The following RBFOX1 variants were observed in gnomAD, a reference collection of about 807,000 sequenced individuals.
RBFOX1 encodes the protein RNA binding protein fox-1 homolog 1.
Under a neutral mutation model 57.7 loss-of-function variants are expected in RBFOX1, and 8 were observed. The ratio of observed to expected loss-of-function variants is 0.14; its 90% CI spans 0.08 to 0.25. The LOEUF (loss-of-function observed/expected upper bound fraction) is 0.25. Ranked by LOEUF, RBFOX1 falls within the 10% of genes least tolerant of loss-of-function variation. RBFOX1 has a pLI of 1.00. For missense variants in RBFOX1, 611 were observed against 548.5 expected, an observed-to-expected ratio of 1.11 and a Z score of -1.14; for synonymous variants, 326 against 222.4, an observed-to-expected ratio of 1.47 and a Z score of -4.15.
At position 6,327,212 on chromosome 16, in the gene RBFOX1, T is replaced by C. The variant is rs140889567; in HGVS notation, c.-64+10155T>C. Reference sequence around the variant, plus strand: ...GTTATTATTTCTTCCCTGAAGCTGCTTAAGCATTGTTTTTTATTCATGTTG... The same window carrying C: ...GTTATTATTTCTTCCCTGAAGCTGCCTAAGCATTGTTTTTTATTCATGTTG... On this transcript the variant is annotated intron_variant, in intron 2 of 15. Transcript: ENST00000550418. Among the ~76,000 whole-genome samples, 5 of 152,288 alleles carry C rather than the reference T, an allele frequency of 3.3e-5. No individual in the cohort carries two copies. The East Asian group carries it at 9.7e-4, about 29-fold the overall frequency.
intron 3 of RBFOX1, among the ~76,000 whole-genome samples, chr16:6,691,467 A>G (rs1360759989): frequency 6.6e-6 from 1 of 151,506 alleles, no homozygotes; most frequent in Admixed American, 6.6e-5. Flanking sequence ...CTTTTTCTTT[A>G]TTTTTTTTGT....
chr16:7,006,769 T>C (rs2093328429), intron 3 of RBFOX1, among the ~76,000 whole-genome samples: 1 of 152,102 alleles, frequency 6.6e-6, no homozygotes, highest in Admixed American at 6.5e-5. Flanking sequence ...TAAGAAAAAG[T>C]AAACCCTATG....
At chr16:5,742,159 A>G (rs2052790322) in intron 3 of RBFOX1, among the ~76,000 whole-genome samples, 1 of 152,156 alleles carries the variant, frequency 6.6e-6, no homozygotes, top group African/African-American at 2.4e-5. Flanking sequence ...TTGGTTCAAG[A>G]TGGGAAATTT....
intron 1 of RBFOX1, among the ~76,000 whole-genome samples, chr16:6,174,570 G>C (rs1356261721): frequency 3.3e-5 from 5 of 152,032 alleles, no homozygotes. Context: ...ACTCCAGCCT[G>C]GGTGACAGAG....
intron 4 of RBFOX1, among the ~76,000 whole-genome samples, chr16:7,152,181 G>A (rs2076234062): frequency 6.6e-6 from 1 of 152,162 alleles, no homozygotes. Flanking sequence ...GATTCTTGGA[G>A]TTAGAAGGAG....
intron 5 of RBFOX1, among the ~76,000 whole-genome samples, chr16:7,575,403 G>A (rs1246547100): frequency 2.0e-5 from 3 of 152,110 alleles, no homozygotes; most frequent in Non-Finnish European, 4.4e-5. Context: ...AAAGTGCTGG[G>A]ATTATAGGTG....
intron 1 of RBFOX1, among the ~76,000 whole-genome samples, chr16:5,365,464 T>C (rs494478): frequency 0.41 from 62,428 of 151,920 alleles, 13,356 homozygotes; most frequent in East Asian, 0.66. Flanking sequence ...GGCCAGGAGT[T>C]TGAGACCAGC....
At chr16:7,552,730 C>T (rs928121016) in intron 5 of RBFOX1, among the ~76,000 whole-genome samples, 3 of 152,002 alleles carry the variant, frequency 2.0e-5, no homozygotes, top group Admixed American at 1.3e-4. Context: ...TTGCTCAGGC[C>T]GAAGTGCAAT....
intron 3 of RBFOX1, among the ~76,000 whole-genome samples, chr16:6,815,578 C>T (rs1303509617): frequency 2.0e-5 from 3 of 152,178 alleles, no homozygotes; most frequent in East Asian, 1.9e-4. Context: ...CTCATTTAAT[C>T]CTCCCGTCAT....
Position 7,312,534 on chromosome 16 carries a change from G to A in RBFOX1, c.28-205613G>A, listed in dbSNP as rs113041231. Among the ~76,000 whole-genome samples, 497 of 152,262 alleles carry A rather than the reference G, an allele frequency of 3.3e-3. 5 individuals are homozygous for A. Among genetic ancestry groups the A allele is most frequent in the African/African-American group, 0.011 (474 of 41,550 alleles). ...TGGCCTGCCAAGGACACAGACACAA[G>A]GGACTTGGGTGTCACTCCGGGTCTT... On this transcript the variant is annotated intron_variant, in intron 4 of 15. Transcript: ENST00000550418.
intron 2 of RBFOX1, among the ~76,000 whole-genome samples, chr16:6,332,949 T>A (rs143080623): frequency 1.6e-4 from 24 of 152,350 alleles, no homozygotes; most frequent in African/African-American, 5.5e-4. Context: ...TTCTAACAGA[T>A]CATAATCATT....
At chr16:6,473,458 A>G (rs2095223267) in intron 2 of RBFOX1, among the ~76,000 whole-genome samples, 1 of 152,054 alleles carries the variant, frequency 6.6e-6, no homozygotes. Context: ...TTCCCACCCA[A>G]CAGTTGCAAA....
chr16:6,085,686 G>C (rs941726315), intron 1 of RBFOX1, among the ~76,000 whole-genome samples: 1 of 152,214 alleles, frequency 6.6e-6, no homozygotes, highest in East Asian at 1.9e-4. Flanking sequence ...GTGTGCATGC[G>C]CGCACGCACA....
chr16:6,046,099 A>G lies in RBFOX1; in HGVS notation c.-127+26107A>G, dbSNP rs545787272. Reference sequence around the variant, plus strand: ...ATGGTTTTACACAAGGAAGAGGAACATTCTGATTTTTGTGTTAAAATGATT... The same window carrying G: ...ATGGTTTTACACAAGGAAGAGGAACGTTCTGATTTTTGTGTTAAAATGATT... On this transcript the variant is annotated intron_variant, in intron 1 of 15. Coordinates refer to ENST00000550418, the MANE Select transcript of RBFOX1 (RefSeq NM_018723.4). 6.6e-5 allele frequency among the ~76,000 whole-genome samples: 10 copies of G among 152,318 alleles called. No individual in the cohort carries two copies. The East Asian group carries it at 1.7e-3, about 26-fold the overall frequency.
chr16:7,668,493 A>G lies in RBFOX1; in HGVS notation c.930+3525A>G, dbSNP rs117929444. On this transcript the variant is annotated intron_variant, in intron 13 of 15. Coordinates refer to ENST00000550418, the MANE Select transcript of RBFOX1 (RefSeq NM_018723.4). ...GCAGAGAGCAAAGACAAAGCCTTCA[A>G]TCCTATTCAGGAGCTGAGCCCTGCA... 5.3e-3 allele frequency among the ~76,000 whole-genome samples: 801 copies of G among 152,280 alleles called. 5 individuals carry two copies. The highest frequency in any genetic ancestry group is 9.1e-3 in the Non-Finnish European group (618 of 68,030).
At chr16:5,756,270 G>A (rs1445690756) in intron 3 of RBFOX1, among the ~76,000 whole-genome samples, 2 of 146,956 alleles carry the variant, frequency 1.4e-5, no homozygotes, top group Admixed American at 6.8e-5. Context: ...CTCCTGCAGT[G>A]TATGGACATA....
At chr16:5,849,072 G>C (rs1056934652) in intron 3 of RBFOX1, among the ~76,000 whole-genome samples, 1 of 152,158 alleles carries the variant, frequency 6.6e-6, no homozygotes, top group Non-Finnish European at 1.5e-5. Context: ...GAAAACCCAG[G>C]TAAGAACACT....
At chr16:5,364,564 A>G (rs2065651709) in intron 1 of RBFOX1, among the ~76,000 whole-genome samples, 1 of 152,180 alleles carries the variant, frequency 6.6e-6, no homozygotes, top group Non-Finnish European at 1.5e-5. Flanking sequence ...TCTCTTTGTG[A>G]TGATACTTAC....
chr16:6,567,403 C>A lies in RBFOX1; in HGVS notation c.-63-87200C>A, dbSNP rs546101846. 4.6e-5 allele frequency among the ~76,000 whole-genome samples: 7 copies of A among 152,268 alleles called. No individual in the cohort carries two copies. In the South Asian group the frequency reaches 1.5e-3, roughly 32 times the overall value. On this transcript the variant is annotated intron_variant, in intron 2 of 15. Coordinates refer to ENST00000550418, the MANE Select transcript of RBFOX1 (RefSeq NM_018723.4). ...GCTCAGGTTCGTTTGGTCTTTCTGT[C>A]CCTAGATAGCCTCTTGGCTGGCAGT...
Sources: gnomAD v4.1 joint callset for allele counts (sites outside exome capture counted in the v4.1 genomes callset) on GRCh38, gnomAD v4.1.1 for gene constraint, MANE v1.5 for transcripts, NCBI Gene and HGNC (gene_info 2026-07-23, HGNC 2026-07-21) for gene names.